SPATA1: variants seen among roughly 807,000 people sequenced by gnomAD.
SPATA1 encodes spermatogenesis-associated protein 1.
In SPATA1, 57 loss-of-function variants were observed where a neutral mutation model predicts 59.6. That is an observed-to-expected ratio of 0.96 (90% CI 0.77 to 1.19). The LOEUF (loss-of-function observed/expected upper bound fraction) is 1.19. Among genes scored for constraint, SPATA1 ranks in the 50% most tolerant of loss-of-function variants. SPATA1 has a pLI of 0.00. For synonymous variants in SPATA1, 147 were observed against 163.9 expected, an observed-to-expected ratio of 0.90 and a Z score of 0.79; for missense variants, 448 against 480.7, an observed-to-expected ratio of 0.93 and a Z score of 0.64.
intron 4 of SPATA1, chr1:84,563,317 A>AT: frequency 1.3e-6 from 2 of 1,598,364 alleles, no homozygotes; most frequent in Non-Finnish European, 1.7e-6. Context: ...AAATAGAACT[A>AT]TTTATTTGCT....
downstream of SPATA1, among the ~76,000 whole-genome samples, chr1:84,556,509 G>A (rs191526868): frequency 1.7e-4 from 25 of 151,348 alleles, no homozygotes; most frequent in South Asian, 1.2e-3. Flanking sequence ...TCGAGAGATC[G>A]AGACCATCCT....
At chr1:84,561,634 GA>G (rs1684595718) in intron 4 of SPATA1, among the ~76,000 whole-genome samples, 2 of 152,126 alleles carry the variant, frequency 1.3e-5, no homozygotes, top group Admixed American at 6.5e-5. Flanking sequence ...AGAGTCAATT[GA>G]CGTGGCAAAC....
chr1:84,520,543 C>G (rs1413577461), intron 2 of SPATA1, 42 bp from the exon 3 acceptor site: 2 of 1,211,450 alleles, frequency 1.7e-6, no homozygotes, highest in Non-Finnish European at 2.2e-6. Context: ...TTTTTTTTCA[C>G]TTTAAAAATA....
chr1:84,566,752 C>T (rs113016659), downstream of SPATA1, among the ~76,000 whole-genome samples: 2,448 of 152,302 alleles, frequency 0.016, 64 homozygotes, highest in African/African-American at 0.055. Flanking sequence ...CCTGCCTCAG[C>T]CTCCCACATA....
intron 8 of SPATA1, among the ~76,000 whole-genome samples, chr1:84,535,466 CT>C (rs1683640224): frequency 6.6e-6 from 1 of 152,180 alleles, no homozygotes; most frequent in Non-Finnish European, 1.5e-5. Context: ...ATCTTCTAAT[CT>C]GTGAACACAA....
At chr1:84,523,451 G>A (rs1683104619) in intron 4 of SPATA1, among the ~76,000 whole-genome samples, 1 of 152,050 alleles carries the variant, frequency 6.6e-6, no homozygotes, top group South Asian at 2.1e-4. Context: ...ATTATTATGT[G>A]TTTATGTGAA....
downstream of SPATA1, chr1:84,555,029 T>C (rs1241774520): frequency 8.1e-6 from 13 of 1,614,008 alleles, no homozygotes; most frequent in Non-Finnish European, 1.1e-5. Flanking sequence ...GCTTTAAGAC[T>C]TCCCACATTT....
chr1:84,530,132 G>A (rs891710010), intron 6 of SPATA1, among the ~76,000 whole-genome samples: 1 of 152,078 alleles, frequency 6.6e-6, no homozygotes, highest in Admixed American at 6.5e-5. Flanking sequence ...CACCCACCTC[G>A]GCCTCCCAAA....
At chr1:84,517,697 A>T (rs148845218) in intron 2 of SPATA1, among the ~76,000 whole-genome samples, 2 of 152,042 alleles carry the variant, frequency 1.3e-5, no homozygotes, top group African/African-American at 2.4e-5. Flanking sequence ...CTTCCAATAG[A>T]TTGACTCTGA....
chr1:84,520,295 T>G, intron 2 of SPATA1: 1 of 274,404 alleles, frequency 3.6e-6, no homozygotes, highest in Non-Finnish European at 6.7e-6. Context: ...CTTGGTGCCC[T>G]AGGATTCTTA....
intron 9 of SPATA1, among the ~76,000 whole-genome samples, chr1:84,544,664 G>A (rs369286589): frequency 6.6e-6 from 1 of 151,808 alleles, no homozygotes; most frequent in South Asian, 2.1e-4. Context: ...GGGTTCAAGC[G>A]ATTCTCCAGC....
At chr1:84,554,526 G>A (rs893846353) in exon 13 of SPATA1, 1 of 155,760 alleles carries the variant, frequency 6.4e-6, no homozygotes, top group African/African-American at 2.4e-5. Flanking sequence ...CTAAAGGGGA[G>A]ACACTACATT....
exon 5 of SPATA1, chr1:84,566,090 T>G (rs752631826): frequency 6.3e-5 from 53 of 840,380 alleles, no homozygotes; most frequent in Non-Finnish European, 8.7e-5. Context: ...ATTATATATA[T>G]TTTTTACCTT....
chr1:84,530,002 A>C (rs900595464), intron 6 of SPATA1, among the ~76,000 whole-genome samples: 1 of 151,902 alleles, frequency 6.6e-6, no homozygotes, highest in Non-Finnish European at 1.5e-5. Flanking sequence ...GACTACAGGC[A>C]CACGCAGCCA....
chr1:84,546,283 G>A (rs528652732), intron 10 of SPATA1, among the ~76,000 whole-genome samples: 7 of 152,096 alleles, frequency 4.6e-5, no homozygotes, highest in African/African-American at 7.2e-5. Context: ...GCGAAACTCC[G>A]TCTCTACTAA....
At chr1:84,546,321 T>A (rs1358243946) in intron 10 of SPATA1, among the ~76,000 whole-genome samples, 1 of 152,012 alleles carries the variant, frequency 6.6e-6, no homozygotes, top group Non-Finnish European at 1.5e-5. Context: ...TAGCCAGGTG[T>A]GGTGGTGGGC....
intron 3 of SPATA1, 69 bp downstream of exon 3, chr1:84,520,760 T>C (rs1336361887): frequency 1.8e-6 from 2 of 1,095,586 alleles, no homozygotes; most frequent in South Asian, 1.5e-5. Flanking sequence ...GAAAAATGCT[T>C]TTTGGAAATT....
intron 1 of SPATA1, among the ~76,000 whole-genome samples, chr1:84,510,307 A>G (rs552389787): frequency 6.6e-6 from 1 of 152,362 alleles, no homozygotes; most frequent in South Asian, 2.1e-4. Context: ...TCAACTATAT[A>G]GGAAAAAAAT....
chr1:84,519,844 G>T (rs138290826), intron 2 of SPATA1, among the ~76,000 whole-genome samples: 5 of 152,006 alleles, frequency 3.3e-5, no homozygotes, highest in Non-Finnish European at 5.9e-5. Context: ...TATTGCATTC[G>T]AGAATATTCA....
Sources: gnomAD v4.1 joint callset for allele counts (sites outside exome capture counted in the v4.1 genomes callset) on GRCh38, gnomAD v4.1.1 for gene constraint, MANE v1.5 for transcripts, NCBI Gene and HGNC (gene_info 2026-07-23, HGNC 2026-07-21) for gene names.